EPG5: variants seen among roughly 807,000 people sequenced by gnomAD.
The protein encoded by EPG5 is ectopic P-granules 5 autophagy tethering factor.
Under a neutral mutation model 302.7 loss-of-function variants are expected in EPG5, and 159 were observed. That is an observed-to-expected ratio of 0.53 (90% CI 0.46 to 0.60). The LOEUF (loss-of-function observed/expected upper bound fraction) is 0.60. Among genes scored for constraint, EPG5 ranks in the 20% least tolerant of loss-of-function variants. The probability of loss-of-function intolerance (pLI) is 0.00; values close to 1 mark genes in which losing one functional copy is unlikely to be tolerated. For missense variants in EPG5, 2,896 were observed against 3,092.4 expected (o/e 0.94, Z 1.51); for synonymous variants, 1,158 against 1,136.8 (o/e 1.02, Z -0.37).
the EPG5 span, chr18:45,837,240 G>A: frequency 7.3e-7 from 1 of 1,366,536 alleles, no homozygotes; most frequent in Non-Finnish European, 9.6e-7. Flanking sequence ...ATTAGGAAAC[G>A]AAGAGGGGAA....
At chr18:45,937,536 A>T (rs1231197442) in intron 10 of EPG5, among the ~76,000 whole-genome samples, 1 of 152,028 alleles carries the variant, frequency 6.6e-6, no homozygotes, top group African/African-American at 2.4e-5. Flanking sequence ...CCTCCCGAGT[A>T]GCTGGGATTA....
intron 13 of EPG5, 136 bp downstream of exon 13, chr18:45,928,733 A>C: frequency 1.4e-6 from 1 of 710,164 alleles, no homozygotes. Flanking sequence ...AGAGGCTGGC[A>C]CAGTAAATGT....
intron 23 of EPG5, 53 bp downstream of exon 23, chr18:45,910,468 C>T: frequency 1.5e-6 from 2 of 1,361,524 alleles, no homozygotes; most frequent in Non-Finnish European, 2.0e-6. Flanking sequence ...ACTGCTCCAG[C>T]ATAGTACCTG....
intron 1 of EPG5, among the ~76,000 whole-genome samples, 166 bp downstream of exon 1, chr18:45,967,011 G>A (rs2051279007): frequency 6.6e-6 from 1 of 152,152 alleles, no homozygotes; most frequent in African/African-American, 2.4e-5. Flanking sequence ...AGGAATGGAG[G>A]AGAAGGGCCG....
intron 36 of EPG5, among the ~76,000 whole-genome samples, chr18:45,869,605 A>G (rs2048827344): frequency 6.6e-6 from 1 of 152,202 alleles, no homozygotes; most frequent in Non-Finnish European, 1.5e-5. Context: ...TAATGGTGAT[A>G]AATATTTACT....
At chr18:45,925,201 T>C (rs1261604393) in intron 14 of EPG5, among the ~76,000 whole-genome samples, 1 of 152,226 alleles carries the variant, frequency 6.6e-6, no homozygotes, top group Non-Finnish European at 1.5e-5. Flanking sequence ...CCAGGCACGG[T>C]GGCTCATGCC....
At chr18:45,837,203 A>C in the EPG5 span, 14 of 1,490,332 alleles carry the variant, frequency 9.4e-6, no homozygotes, top group Middle Eastern at 2.3e-4. Flanking sequence ...AAGGGTAAGA[A>C]TATGGGGTCA....
chr18:45,956,461 AT>A (rs57253117), intron 1 of EPG5, among the ~76,000 whole-genome samples: 175 of 119,074 alleles, frequency 1.5e-3, no homozygotes, highest in East Asian at 1.4e-3. Flanking sequence ...TTATTTATTT[AT>A]TTTTTTTTTT....
chr18:45,888,762 T>C (rs1159719491), intron 28 of EPG5, among the ~76,000 whole-genome samples: 1 of 152,188 alleles, frequency 6.6e-6, no homozygotes, highest in Non-Finnish European at 1.5e-5. Flanking sequence ...TTAGTAATAA[T>C]TTCATAGTCT....
chr18:45,953,806 C>T, intron 2 of EPG5: 3 of 985,304 alleles, frequency 3.0e-6, no homozygotes, highest in South Asian at 9.4e-5. Context: ...CTTCAGATTC[C>T]TCATCCCCAC....
At chr18:45,939,559 G>A (rs2050614854) in intron 10 of EPG5, 41 bp downstream of exon 10, 2 of 1,583,426 alleles carry the variant, frequency 1.3e-6, no homozygotes, top group East Asian at 4.5e-5. Context: ...TACTAGTGAG[G>A]AAGTTACTTC....
chr18:45,880,287 C>A, intron 31 of EPG5, 64 bp from the exon 32 acceptor site: 1 of 1,414,754 alleles, frequency 7.1e-7, no homozygotes, highest in Non-Finnish European at 9.4e-7. Flanking sequence ...TAACTTGTAA[C>A]AAAGAATATG....
chr18:45,905,546 C>T (rs528252584), intron 24 of EPG5, among the ~76,000 whole-genome samples: 2 of 152,312 alleles, frequency 1.3e-5, no homozygotes, highest in African/African-American at 4.8e-5. Context: ...AATAGGGTCA[C>T]TCTGTCACTT....
At position 45,903,703 on chromosome 18, in the gene EPG5, G is replaced by C. The variant is rs550979435; in HGVS notation, c.4474+270C>G. On this transcript the variant is annotated intron_variant, in intron 25 of 43. Coordinates refer to ENST00000282041, the MANE Select transcript of EPG5 (RefSeq NM_020964.3). The stretch of plus-strand genomic sequence containing the variant: ...GAAACAAGTAACTTAGAAACTTCAG[G>C]AATCTGATTCATTTGTATGGTAAGG... Among the ~76,000 whole-genome samples the C allele has an allele frequency of 7.2e-5, 11 of 152,058 alleles. No homozygotes were observed. In the South Asian group the frequency reaches 2.3e-3, roughly 32 times the overall value.
chr18:45,867,496 C>T lies in EPG5; in HGVS notation c.6411+67G>A, dbSNP rs935178975. On this transcript the variant is annotated intron_variant, in intron 37 of 43. Coordinates refer to ENST00000282041, the MANE Select transcript of EPG5 (RefSeq NM_020964.3). ...CACTGGAAAAACAAATGAAAAACTACGACCTAGTAGAAAGCAAAGATCTAA... is the reference window on the plus strand; with the variant it reads ...CACTGGAAAAACAAATGAAAAACTATGACCTAGTAGAAAGCAAAGATCTAA... 62 of 1,302,030 alleles carry T rather than the reference C, an allele frequency of 4.8e-5. No individual in the cohort carries two copies. The Middle Eastern group carries it at 5.7e-4, about 12-fold the overall frequency. 80.7% of individuals were successfully genotyped at this position (1,302,030 alleles called of 1,614,324 possible).
At chr18:45,816,325 G>T in the EPG5 span, among the ~76,000 whole-genome samples, 1 of 151,900 alleles carries the variant, frequency 6.6e-6, no homozygotes, top group Non-Finnish European at 1.5e-5. Flanking sequence ...AAAAGGTATC[G>T]TCAGCAGAGT....
At chr18:45,911,449 C>A (rs1445770231) in intron 22 of EPG5, among the ~76,000 whole-genome samples, 1 of 151,574 alleles carries the variant, frequency 6.6e-6, no homozygotes, top group Non-Finnish European at 1.5e-5. Context: ...CCACGCCTGG[C>A]TAATTTTTTT....
the EPG5 span, among the ~76,000 whole-genome samples, chr18:45,819,680 T>A: frequency 3.3e-5 from 5 of 152,222 alleles, no homozygotes; most frequent in African/African-American, 1.2e-4. Context: ...GTTAATTAGT[T>A]CACCAATTGT....
Position 45,907,957 on chromosome 18 carries a change from C to T in EPG5, c.4329+1G>A. 2 of 1,557,018 alleles carry T rather than the reference C, an allele frequency of 1.3e-6. No homozygotes were observed. The highest frequency in any genetic ancestry group is 1.7e-6 in the Non-Finnish European group (2 of 1,162,312). ...AAAAAAAAGGAGGGCTATAATTTCA[C>T]CTGCTGATTCTGCATCACTTTTGCT... is the stretch of plus-strand genomic sequence containing the variant. On this transcript the variant is annotated splice_donor_variant, in intron 24 of 43. Transcript: ENST00000282041. LOFTEE classifies it high-confidence loss of function.
Sources: gnomAD v4.1 joint callset for allele counts (sites outside exome capture counted in the v4.1 genomes callset) on GRCh38, gnomAD v4.1.1 for gene constraint, MANE v1.5 for transcripts, NCBI Gene and HGNC (gene_info 2026-07-23, HGNC 2026-07-21) for gene names.